MACC1: variants seen among roughly 807,000 people sequenced by gnomAD.
The protein encoded by MACC1 is metastasis-associated in colon cancer protein 1.
A neutral mutation model predicts 70.7 loss-of-function variants in MACC1; 79 were observed. That is an observed-to-expected ratio of 1.12 (90% confidence interval 0.93 to 1.35). The LOEUF (loss-of-function observed/expected upper bound fraction) is 1.35, where lower values mean the gene tolerates loss of function less well. Ranked by LOEUF, MACC1 falls within the 40% of genes most tolerant of loss-of-function variation. The pLI is 0.00. For synonymous variants in MACC1, 361 were observed against 347.2 expected (o/e 1.04, Z -0.44); for missense variants, 1,106 against 978.1 (o/e 1.13, Z -1.74).
chr7:20,160,485 A>T (rs1379445556), intron 4 of MACC1, among the ~76,000 whole-genome samples: 1 of 152,190 alleles, frequency 6.6e-6, no homozygotes, highest in Non-Finnish European at 1.5e-5. Flanking sequence ...ATTTTAAGAC[A>T]TCATGATTTA....
intron 1 of MACC1, among the ~76,000 whole-genome samples, chr7:20,204,891 C>A (rs1157520686): frequency 1.3e-5 from 2 of 151,946 alleles, no homozygotes; most frequent in Non-Finnish European, 2.9e-5. Context: ...TGAAGATGAC[C>A]CAGTGAGCAG....
chr7:20,136,918 T>A lies in MACC1; in HGVS notation c.*4028A>T, dbSNP rs535453048. On this transcript the variant is annotated 3_prime_UTR_variant, in exon 7 of 7. Transcript: ENST00000400331. ...TATATTATTAATTCTTAAAGATTAT[T>A]AATTATAATATTAAATTATAATTAT... is the stretch of plus-strand genomic sequence containing the variant. The A allele has an allele frequency of 7.1e-6, 1 of 140,988 alleles. No individual in the cohort carries two copies. 8.7% of individuals were successfully genotyped at this position (140,988 alleles called of 1,614,324 possible).
At chr7:20,163,682 C>T (rs1192527836) in intron 3 of MACC1, among the ~76,000 whole-genome samples, 1 of 152,168 alleles carries the variant, frequency 6.6e-6, no homozygotes, top group Non-Finnish European at 1.5e-5. Flanking sequence ...AATTTCTCTT[C>T]ATCCCATGAC....
At chr7:20,148,769 A>G (rs985280914) in intron 6 of MACC1, among the ~76,000 whole-genome samples, 1 of 152,214 alleles carries the variant, frequency 6.6e-6, no homozygotes, top group Non-Finnish European at 1.5e-5. Flanking sequence ...GGTAATCTAA[A>G]TTGTACAAAG....
At chr7:20,175,866 G>A (rs903088480) in intron 1 of MACC1, among the ~76,000 whole-genome samples, 1 of 152,068 alleles carries the variant, frequency 6.6e-6, no homozygotes, top group African/African-American at 2.4e-5. Flanking sequence ...GAACTATTTG[G>A]AATATAGCAA....
intron 3 of MACC1, among the ~76,000 whole-genome samples, chr7:20,163,119 C>T (rs938063333): frequency 6.6e-6 from 1 of 152,008 alleles, no homozygotes; most frequent in Non-Finnish European, 1.5e-5. Flanking sequence ...AAAAAATTCT[C>T]TAAATGAACA....
At chr7:20,200,452 A>G (rs1216035144) in intron 1 of MACC1, among the ~76,000 whole-genome samples, 1 of 152,200 alleles carries the variant, frequency 6.6e-6, no homozygotes, top group Non-Finnish European at 1.5e-5. Flanking sequence ...TTTCCTACCA[A>G]TTTACTGGTC....
intron 1 of MACC1, among the ~76,000 whole-genome samples, chr7:20,181,246 T>A (rs1394751808): frequency 1.3e-5 from 2 of 152,076 alleles, no homozygotes; most frequent in Admixed American, 6.5e-5. Flanking sequence ...AAACTTTTAG[T>A]GATAAAAATC....
At chr7:20,209,200 G>C (rs1782958452) in intron 1 of MACC1, among the ~76,000 whole-genome samples, 2 of 152,242 alleles carry the variant, frequency 1.3e-5, no homozygotes, top group Admixed American at 1.3e-4. Context: ...GCACTGCCCA[G>C]TGGAGCTGTG....
intron 6 of MACC1, among the ~76,000 whole-genome samples, chr7:20,147,204 C>T (rs1335379091): frequency 6.6e-6 from 1 of 152,138 alleles, no homozygotes; most frequent in East Asian, 1.9e-4. Context: ...ATTTAGAGTG[C>T]TCATTCCCAG....
chr7:20,143,193 T>C (rs1027370129), intron 6 of MACC1, among the ~76,000 whole-genome samples: 23 of 152,286 alleles, frequency 1.5e-4, no homozygotes, highest in Non-Finnish European at 2.8e-4. Flanking sequence ...TGAATTGCTA[T>C]GTGTAGAGGA....
intron 1 of MACC1, among the ~76,000 whole-genome samples, chr7:20,173,746 T>C (rs942888471): frequency 6.6e-6 from 1 of 152,186 alleles, no homozygotes; most frequent in Admixed American, 6.5e-5. Flanking sequence ...ACCAGTAGTC[T>C]CTGAAATGTA....
At chr7:20,212,909 T>A (rs1192058048) in intron 1 of MACC1, among the ~76,000 whole-genome samples, 2 of 151,550 alleles carry the variant, frequency 1.3e-5, no homozygotes, top group African/African-American at 2.4e-5. Context: ...CTAGCGGGAG[T>A]GGCTGGAGAC....
intron 3 of MACC1, 42 bp from the exon 4 acceptor site, chr7:20,161,912 T>C (rs1583389873): frequency 2.5e-6 from 3 of 1,178,224 alleles, no homozygotes; most frequent in South Asian, 1.2e-5. Flanking sequence ...AGCATACATA[T>C]ACAGGCTGGC....
intron 5 of MACC1, among the ~76,000 whole-genome samples, chr7:20,154,593 G>T (rs1211786903): frequency 6.6e-6 from 1 of 152,232 alleles, no homozygotes; most frequent in African/African-American, 2.4e-5. Flanking sequence ...AGTTAGGGGA[G>T]ATTTAGAACT....
At chr7:20,195,394 G>C (rs1170988294) in intron 1 of MACC1, among the ~76,000 whole-genome samples, 1 of 152,184 alleles carries the variant, frequency 6.6e-6, no homozygotes, top group Non-Finnish European at 1.5e-5. Flanking sequence ...AAAGACCAGA[G>C]ACAGCTACTT....
chr7:20,202,059 TA>T (rs1368713890), intron 1 of MACC1, among the ~76,000 whole-genome samples: 1 of 152,216 alleles, frequency 6.6e-6, no homozygotes, highest in Non-Finnish European at 1.5e-5. Flanking sequence ...TCTTCATTTG[TA>T]AAAGCTATCT....
At chr7:20,204,345 G>C (rs963450742) in intron 1 of MACC1, among the ~76,000 whole-genome samples, 2 of 152,012 alleles carry the variant, frequency 1.3e-5, no homozygotes, top group Non-Finnish European at 2.9e-5. Context: ...TAGTAGAGAT[G>C]GGGTTTCACC....
In MACC1 at chr7:20,141,127, T is replaced by C. The variant is rs1052346860; in HGVS notation, c.2378A>G (p.Tyr793Cys). ...MMWKPAYDFL[Y>C]TWSAHYGNNY... is the part of the protein sequence containing the mutation. The stretch of plus-strand genomic sequence containing the variant: ...ATTTCCATAGTGAGCACTCCAGGTA[T>C]ACAGAAAATCATAGGCAGGTTTCCA... Residue 793 changes from tyrosine to cysteine, a missense_variant, in exon 7 of 7, where the codon TAT (tyrosine) becomes TGT (cysteine). Coordinates refer to ENST00000400331, the MANE Select transcript of MACC1 (RefSeq NM_182762.4). 8.1e-6 allele frequency: 13 copies of C among 1,606,260 alleles called. No homozygotes were observed. Among genetic ancestry groups the C allele is most frequent in the Non-Finnish European group, 1.0e-5 (12 of 1,177,424 alleles).
Sources: allele counts gnomAD v4.1 joint callset (sites outside exome capture counted in the v4.1 genomes callset), GRCh38; gene constraint gnomAD v4.1.1; transcripts MANE v1.5; gene names NCBI Gene and HGNC (gene_info 2026-07-23, HGNC 2026-07-21).